TPCN2: variants seen among roughly 807,000 people sequenced by gnomAD.
TPCN2 encodes two pore channel protein 2.
In TPCN2, 92 loss-of-function variants were observed where a neutral mutation model predicts 111.4. The observed-to-expected ratio is 0.83, with a 90% CI of 0.70 to 0.98. TPCN2 has a LOEUF of 0.98. Among genes scored for constraint, TPCN2 ranks in the 50% least tolerant of loss-of-function variants. TPCN2 has a pLI of 0.00. For synonymous variants in TPCN2, 405 were observed against 414.5 expected (o/e 0.98, Z 0.28); for missense variants, 995 against 980.1 (o/e 1.02, Z -0.20).
At chr11:69,063,710 T>A (rs1260275557) in intron 6 of TPCN2, among the ~76,000 whole-genome samples, 185 bp from the exon 7 acceptor site, 1 of 152,082 alleles carries the variant, frequency 6.6e-6, no homozygotes, top group African/African-American at 2.4e-5. Flanking sequence ...ACCAGGCCTT[T>A]CCTCTGGGCC....
At chr11:69,060,774 C>T (rs374533989) in intron 5 of TPCN2, among the ~76,000 whole-genome samples, 2 of 152,202 alleles carry the variant, frequency 1.3e-5, no homozygotes, top group East Asian at 1.9e-4. Flanking sequence ...GCAGCATCTT[C>T]AGCACCTCCT....
At position 69,081,421 on chromosome 11, in the gene TPCN2, GC is replaced by G. The variant is rs1565094035; in HGVS notation, c.1612del (p.Leu538CysfsTer6). ...PGWRPEMVGL[L>X]SLWDMTRMLN... The stretch of plus-strand genomic sequence containing the variant: ...CCAGGAGGCCGGAGATGGTGGGCCT[GC>G]TGTCGCTGTGGGACATGACCCGCAT... On this transcript the variant is annotated frameshift_variant, in exon 18 of 25. Coordinates refer to ENST00000294309, the MANE Select transcript of TPCN2 (RefSeq NM_139075.4). LOFTEE classifies it high-confidence loss of function. The G allele has an allele frequency of 1.3e-6, 2 of 1,559,210 alleles. No individual in the cohort carries two copies. The highest frequency in any genetic ancestry group is 1.7e-6 in the Non-Finnish European group (2 of 1,152,334).
chr11:69,083,817 G>T, intron 18 of TPCN2, 128 bp from the exon 19 acceptor site: 2 of 771,394 alleles, frequency 2.6e-6, no homozygotes, highest in South Asian at 1.6e-5. Flanking sequence ...CCAGGTGTGT[G>T]TGTGTGGGTT....
chr11:69,065,743 G>A (rs1019239188), intron 7 of TPCN2, among the ~76,000 whole-genome samples: 1 of 152,228 alleles, frequency 6.6e-6, no homozygotes, highest in African/African-American at 2.4e-5. Context: ...AACCTGGATT[G>A]ATTTCCAAGA....
chr11:69,062,978 C>G lies in TPCN2; in HGVS notation c.641C>G (p.Pro214Arg), dbSNP rs139760549. 19 of 1,613,766 alleles carry G rather than the reference C, an allele frequency of 1.2e-5. No individual in the cohort carries two copies. The highest frequency in any genetic ancestry group is 1.6e-4 in the Middle Eastern group (1 of 6,080). ...KTLKCIRWSL[P>R]EMASVGLLLA... The stretch of plus-strand genomic sequence containing the variant: ...TTGAAATGCATCCGCTGGTCGCTGC[C>G]GGAAATGGCCAGGTGGGCTCTTGGT... Residue 214 changes from proline (P) to arginine (R), a missense_variant, in exon 6 of 25, where the codon CCG (proline) becomes CGG (arginine). Coordinates refer to ENST00000294309, the MANE Select transcript of TPCN2 (RefSeq NM_139075.4).
intron 1 of TPCN2, 48 bp downstream of exon 1, chr11:69,049,154 C>T (rs1014589489): frequency 4.8e-5 from 54 of 1,133,326 alleles, no homozygotes; most frequent in Non-Finnish European, 6.0e-5. Context: ...AGACCAGGGT[C>T]GCGCGTGGGG....
intron 1 of TPCN2, 132 bp from the exon 2 acceptor site, chr11:69,053,901 C>T (rs1016097617): frequency 3.8e-5 from 28 of 742,374 alleles, no homozygotes; most frequent in South Asian, 2.9e-4. Context: ...GCCCCACTGC[C>T]GGGTGGAGTC....
chr11:69,083,850 C>T lies in TPCN2; in HGVS notation c.1690-95C>T. 15 of 1,182,198 alleles carry T rather than the reference C, an allele frequency of 1.3e-5. No individual in the cohort carries two copies. In the South Asian group the frequency reaches 1.9e-4, roughly 15 times the overall value. The allele number at this position is 1,182,198 out of a possible 1,614,324, so 73.2% of individuals were successfully genotyped here. ...GTTGGTGGTCATTGGCCTGCCCCAT[C>T]TTGCCTTTCTGTCAGGGTCAGCGTG... On this transcript the variant is annotated intron_variant, in intron 18 of 24. Transcript: ENST00000294309.
In TPCN2 at chr11:69,078,974, C is replaced by T. The variant is rs1855899302; in HGVS notation, c.1493C>T (p.Ser498Phe). 6.2e-7 allele frequency: 1 copy of T among 1,613,904 alleles called. No individual in the cohort carries two copies. The highest frequency in any genetic ancestry group is 2.2e-5 in the East Asian group (1 of 44,882). ...GCCCTGGGCCTGCGAGGGTACCTGT[C>T]CTACCCCAGCAACGTGTTTGACGGG... ...VFALGLRGYL[S>F]YPSNVFDGLL... Residue 498 changes from serine to phenylalanine, a missense_variant, in exon 16 of 25, where the codon TCC becomes TTC. Ser to Phe is a radical substitution (Grantham distance 155). Transcript: ENST00000294309.
intron 5 of TPCN2, among the ~76,000 whole-genome samples, chr11:69,059,176 G>A (rs954594593): frequency 5.3e-5 from 8 of 152,118 alleles, no homozygotes; most frequent in Non-Finnish European, 1.5e-5. Context: ...GCCTTTGGAA[G>A]GCTGGAGTTT....
intron 7 of TPCN2, among the ~76,000 whole-genome samples, chr11:69,065,036 C>T (rs1324435032): frequency 9.7e-6 from 1 of 102,854 alleles, no homozygotes; most frequent in African/African-American, 3.1e-5. Context: ...TCTGTGTGTG[C>T]GTGTGGTGTC....
In TPCN2 at chr11:69,081,491, A is replaced by G. The variant is rs1856006727; in HGVS notation, c.1681A>G (p.Ser561Gly). 33 of 1,565,824 alleles carry G rather than the reference A, an allele frequency of 2.1e-5. No homozygotes were observed. Among genetic ancestry groups the G allele is most frequent in the Non-Finnish European group, 2.9e-5 (33 of 1,155,032 alleles). The change falls in exon 18 of 25, where the codon AGC becomes GGC. Residue 561 changes from serine to glycine, a missense_variant. Ser to Gly is a moderately conservative substitution (Grantham distance 56). Coordinates refer to ENST00000294309, the MANE Select transcript of TPCN2 (RefSeq NM_139075.4). ...IVFRFLRIIPSMKLMAVVAST... is the reference protein window; with the variant it reads ...IVFRFLRIIPGMKLMAVVAST... The stretch of plus-strand genomic sequence containing the variant: ...GTTCCGCTTCCTGCGTATCATCCCC[A>G]GCATGAAGGTGTGTGCCGGCCCCAC...
At chr11:69,085,777 A>T in intron 21 of TPCN2, 25 bp downstream of exon 21, 1 of 1,593,668 alleles carries the variant, frequency 6.3e-7, no homozygotes, top group Non-Finnish European at 8.6e-7. Context: ...CTGTCCCAGC[A>T]CCCTGCTCCC....
intron 6 of TPCN2, 82 bp downstream of exon 6, chr11:69,063,072 C>G: frequency 7.9e-7 from 1 of 1,263,148 alleles, no homozygotes; most frequent in South Asian, 1.2e-5. Flanking sequence ...GTGGGGCCCA[C>G]CGGAGTCTCA....
intron 1 of TPCN2, among the ~76,000 whole-genome samples, chr11:69,052,948 C>T (rs530709494): frequency 4.6e-5 from 7 of 152,344 alleles, no homozygotes; most frequent in Admixed American, 1.3e-4. Flanking sequence ...TCAGTTGCTT[C>T]GGGTTGAGTT....
rs368274876 is a variant in TPCN2, at chr11:69,069,057, T to C, written c.830-1373T>C. On this transcript the variant is annotated intron_variant, in intron 8 of 24. Coordinates refer to ENST00000294309, the MANE Select transcript of TPCN2 (RefSeq NM_139075.4). The stretch of plus-strand genomic sequence containing the variant: ...GAAGTGACCGCAGTGGGAGCAGGAC[T>C]GTCTGAGTCCTAGGAAGTGACCACA... Among the ~76,000 whole-genome samples the C allele has an allele frequency of 1.1e-3, 72 of 66,112 alleles. 1 individual carries two copies. Among genetic ancestry groups the C allele is most frequent in the African/African-American group, 1.4e-3 (26 of 18,834 alleles). 43.4% of individuals were successfully genotyped at this position (66,112 alleles called of 152,430 possible). A position where few individuals can be genotyped will look rare whatever the true frequency, so the allele number is the denominator to read the frequency against.
chr11:69,063,271 G>A (rs1310329743), intron 6 of TPCN2, among the ~76,000 whole-genome samples: 4 of 151,880 alleles, frequency 2.6e-5, no homozygotes, highest in East Asian at 3.9e-4. Context: ...CACTCTCTCC[G>A]ATGGGTCTCC....
At chr11:69,071,299 C>A in intron 9 of TPCN2, 57 bp from the exon 10 acceptor site, 1 of 1,434,460 alleles carries the variant, frequency 7.0e-7, no homozygotes, top group Non-Finnish European at 9.8e-7. Context: ...GCCACCCTTG[C>A]GTTGGTTTTG....
intron 4 of TPCN2, among the ~76,000 whole-genome samples, chr11:69,056,758 C>G (rs1383996906): frequency 6.6e-6 from 1 of 152,092 alleles, no homozygotes; most frequent in African/African-American, 2.4e-5. Context: ...GTCTCGATCT[C>G]CTGACCTTGT....
Sources: allele counts gnomAD v4.1 joint callset (sites outside exome capture counted in the v4.1 genomes callset), GRCh38; gene constraint gnomAD v4.1.1; transcripts MANE v1.5; gene names NCBI Gene and HGNC (gene_info 2026-07-23, HGNC 2026-07-21).